Variants in CADM2 observed in about 807,000 individuals in gnomAD.
The protein encoded by CADM2 is cell adhesion molecule 2.
A neutral mutation model predicts 49.8 loss-of-function variants in CADM2; 12 were observed. That is an observed-to-expected ratio of 0.24 (90% CI 0.15 to 0.39). The LOEUF is 0.39. Ranked by LOEUF, CADM2 falls within the 10% of genes least tolerant of loss-of-function variation. The pLI is 1.00. For missense variants in CADM2, 378 were observed against 492.3 expected (o/e 0.77, Z 2.20); for synonymous variants, 214 against 175.4 (o/e 1.22, Z -1.74).
At chr3:85,554,619 G>A (rs917122691) in intron 1 of CADM2, among the ~76,000 whole-genome samples, 9 of 152,142 alleles carry the variant, frequency 5.9e-5, no homozygotes, top group East Asian at 1.9e-4. Context: ...AAGGGCATAC[G>A]TAAGTTTTTA....
At chr3:85,078,359 A>G (rs565672071) in intron 1 of CADM2, among the ~76,000 whole-genome samples, 1 of 151,954 alleles carries the variant, frequency 6.6e-6, no homozygotes, top group African/African-American at 2.4e-5. Context: ...TTCCTGCTAC[A>G]GATAGAAGGT....
Position 85,835,513 on chromosome 3 carries a change from A to G in CADM2, c.238+33317A>G, listed in dbSNP as rs1318774484. ...AGCTCTTAGTTTGAATTCTCAACAA[A>G]TTTTGCTTCCCTGATATATCAAATA... is the stretch of plus-strand genomic sequence containing the variant. On this transcript the variant is annotated intron_variant, in intron 3 of 9. Coordinates refer to ENST00000383699, the MANE Select transcript of CADM2 (RefSeq NM_001167675.2). 2.0e-5 allele frequency among the ~76,000 whole-genome samples: 3 copies of G among 151,112 alleles called. No homozygotes were observed. The East Asian group carries it at 5.9e-4, about 30-fold the overall frequency.
chr3:85,057,565 C>G (rs767263479), intron 1 of CADM2, among the ~76,000 whole-genome samples: 2 of 151,786 alleles, frequency 1.3e-5, no homozygotes, highest in African/African-American at 2.4e-5. Flanking sequence ...GATGTGATAC[C>G]GTTTGTTTCT....
chr3:85,444,248 A>G (rs1375195129), intron 1 of CADM2, among the ~76,000 whole-genome samples: 1 of 152,190 alleles, frequency 6.6e-6, no homozygotes, highest in Non-Finnish European at 1.5e-5. Flanking sequence ...TCTATGCTCA[A>G]TGCAGCAACC....
chr3:86,062,331 G>A (rs1161172344), intron 8 of CADM2, among the ~76,000 whole-genome samples: 7 of 152,082 alleles, frequency 4.6e-5, no homozygotes, highest in Admixed American at 4.6e-4. Context: ...CCTCATTTTT[G>A]GAGATTTATG....
intron 7 of CADM2, among the ~76,000 whole-genome samples, chr3:85,953,856 CT>C (rs1200050710): frequency 6.6e-6 from 1 of 150,832 alleles, no homozygotes; most frequent in Non-Finnish European, 1.5e-5. Context: ...TCATTGATCT[CT>C]TATCTGTCTT....
At chr3:85,861,248 G>A (rs556185836) in intron 3 of CADM2, among the ~76,000 whole-genome samples, 2 of 152,270 alleles carry the variant, frequency 1.3e-5, no homozygotes, top group East Asian at 3.9e-4. Flanking sequence ...AGGAGTATAG[G>A]TAGTGAGAAA....
intron 1 of CADM2, among the ~76,000 whole-genome samples, chr3:85,495,880 A>G (rs2039867508): frequency 6.6e-6 from 1 of 152,024 alleles, no homozygotes; most frequent in Non-Finnish European, 1.5e-5. Context: ...ACCTCCCACT[A>G]GGCGCCAATC....
intron 1 of CADM2, among the ~76,000 whole-genome samples, chr3:85,624,606 C>T (rs2064071339): frequency 6.6e-6 from 1 of 152,062 alleles, no homozygotes; most frequent in Non-Finnish European, 1.5e-5. Context: ...GCTGGAATCA[C>T]AGAAACTCAT....
intron 1 of CADM2, among the ~76,000 whole-genome samples, chr3:85,346,241 A>C (rs2107215975): frequency 6.6e-6 from 1 of 152,340 alleles, no homozygotes; most frequent in South Asian, 2.1e-4. Context: ...TAACCATGAT[A>C]AGTTGCCATG....
intron 6 of CADM2, among the ~76,000 whole-genome samples, chr3:85,925,910 G>A (rs967347717): frequency 2.6e-5 from 4 of 152,044 alleles, no homozygotes; most frequent in Non-Finnish European, 4.4e-5. Flanking sequence ...GGCCAAGGAG[G>A]GCAGATCATG....
intron 1 of CADM2, among the ~76,000 whole-genome samples, chr3:85,170,559 A>G (rs1043698090): frequency 6.6e-6 from 1 of 152,076 alleles, no homozygotes. Flanking sequence ...GCTGGTCTCA[A>G]ACTCCCAACC....
intron 1 of CADM2, among the ~76,000 whole-genome samples, chr3:85,438,526 T>C (rs1252152652): frequency 1.3e-5 from 2 of 152,154 alleles, no homozygotes; most frequent in Non-Finnish European, 2.9e-5. Context: ...AAAAGAGTAA[T>C]AGTTAAGTGT....
chr3:85,288,844 G>T, intron 1 of CADM2, among the ~76,000 whole-genome samples: 1 of 135,350 alleles, frequency 7.4e-6, no homozygotes, highest in African/African-American at 2.7e-5. Flanking sequence ...TGACAGTCTT[G>T]ACCTTTATTG....
At chr3:85,779,581 T>C (rs1010349338) in intron 2 of CADM2, among the ~76,000 whole-genome samples, 2 of 152,120 alleles carry the variant, frequency 1.3e-5, no homozygotes, top group Non-Finnish European at 2.9e-5. Flanking sequence ...TCAGATCTTG[T>C]GAGAACTCAC....
At chr3:85,317,872 A>G (rs945522191) in intron 1 of CADM2, among the ~76,000 whole-genome samples, 1 of 152,260 alleles carries the variant, frequency 6.6e-6, no homozygotes, top group Non-Finnish European at 1.5e-5. Context: ...ACAGAGCAAT[A>G]TGAAAGAGAC....
At chr3:85,609,418 A>G (rs1322761300) in intron 1 of CADM2, among the ~76,000 whole-genome samples, 1 of 152,146 alleles carries the variant, frequency 6.6e-6, no homozygotes, top group Non-Finnish European at 1.5e-5. Flanking sequence ...GATTGAGACC[A>G]TAACTCTTGG....
At chr3:85,755,307 T>A (rs2069060032) in intron 2 of CADM2, among the ~76,000 whole-genome samples, 1 of 152,186 alleles carries the variant, frequency 6.6e-6, no homozygotes, top group Non-Finnish European at 1.5e-5. Flanking sequence ...ACTACCATTA[T>A]ATTTTTATTA....
chr3:85,075,473 G>A (rs1281558032), intron 1 of CADM2, among the ~76,000 whole-genome samples: 8 of 152,218 alleles, frequency 5.3e-5, no homozygotes, highest in Admixed American at 5.2e-4. Context: ...TTGTACACAT[G>A]TCTAGAGGAT....
Sources: gnomAD v4.1 joint callset for allele counts (sites outside exome capture counted in the v4.1 genomes callset) on GRCh38, gnomAD v4.1.1 for gene constraint, MANE v1.5 for transcripts, NCBI Gene and HGNC (gene_info 2026-07-23, HGNC 2026-07-21) for gene names.